ITSN1: variants seen among roughly 807,000 people sequenced by gnomAD.
The protein encoded by ITSN1 is intersectin-1.
A neutral mutation model predicts 239.8 loss-of-function variants in ITSN1; 58 were observed. The observed-to-expected ratio is 0.24, with a 90% CI of 0.20 to 0.30. The LOEUF (loss-of-function observed/expected upper bound fraction) is 0.30, where lower values mean the gene tolerates loss of function less well. Ranked by LOEUF, ITSN1 falls within the 10% of genes least tolerant of loss-of-function variation. The pLI is 1.00. For missense variants in ITSN1, 1,558 were observed against 2,103.3 expected (o/e 0.74, Z 5.07); for synonymous variants, 780 against 770.8 (o/e 1.01, Z -0.20).
intron 11 of ITSN1, among the ~76,000 whole-genome samples, chr21:33,769,818 C>T (rs1189772847): frequency 1.3e-5 from 2 of 151,822 alleles, no homozygotes; most frequent in East Asian, 1.9e-4. Context: ...GCCTCAACCT[C>T]CCAAGTAGCT....
chr21:33,832,416 C>T (rs2074347620), intron 27 of ITSN1, among the ~76,000 whole-genome samples: 1 of 152,228 alleles, frequency 6.6e-6, no homozygotes. Flanking sequence ...GAGGCAGCAG[C>T]CGTATTTTTC....
intron 2 of ITSN1, 24 bp from the exon 3 acceptor site, chr21:33,721,150 ATTTG>A (rs776175549): frequency 9.3e-6 from 14 of 1,502,888 alleles, no homozygotes; most frequent in African/African-American, 8.2e-5. Flanking sequence ...TCACTGAATA[ATTTG>A]TTTGTCTTTT....
intron 1 of ITSN1, among the ~76,000 whole-genome samples, chr21:33,649,355 T>G (rs1041127118): frequency 6.6e-6 from 1 of 152,232 alleles, no homozygotes; most frequent in Non-Finnish European, 1.5e-5. Context: ...TGGTAGAATG[T>G]CACTCCAGTT....
intron 21 of ITSN1, among the ~76,000 whole-genome samples, chr21:33,811,671 T>C (rs1254672160): frequency 6.6e-6 from 1 of 152,230 alleles, no homozygotes; most frequent in African/African-American, 2.4e-5. Context: ...CTTTAAAGCT[T>C]TCCACTTTCA....
chr21:33,806,140 G>A (rs2072426525), intron 20 of ITSN1, among the ~76,000 whole-genome samples: 1 of 151,282 alleles, frequency 6.6e-6, no homozygotes, highest in Non-Finnish European at 1.5e-5. Flanking sequence ...GAACCCGGGA[G>A]GCGGAGCTTG....
At chr21:33,840,021 G>C (rs2074769545) in intron 29 of ITSN1, among the ~76,000 whole-genome samples, 1 of 152,160 alleles carries the variant, frequency 6.6e-6, no homozygotes, top group African/African-American at 2.4e-5. Context: ...TGTTCACCTG[G>C]TTATTCACCA....
intron 29 of ITSN1, among the ~76,000 whole-genome samples, chr21:33,839,857 T>C (rs1399436974): frequency 6.6e-6 from 1 of 152,100 alleles, no homozygotes; most frequent in East Asian, 1.9e-4. Context: ...CCAGTGGGAG[T>C]GCTGCTGGTG....
chr21:33,675,755 A>G (rs2090553946), intron 1 of ITSN1, among the ~76,000 whole-genome samples: 1 of 152,166 alleles, frequency 6.6e-6, no homozygotes, highest in Non-Finnish European at 1.5e-5. Context: ...TTTTACTGAT[A>G]AGAAGCTTAA....
intron 1 of ITSN1, among the ~76,000 whole-genome samples, chr21:33,656,769 C>T (rs1002184850): frequency 6.6e-6 from 1 of 152,122 alleles, no homozygotes; most frequent in Non-Finnish European, 1.5e-5. Flanking sequence ...GGAGCGCAAT[C>T]GTGCGATCTC....
chr21:33,818,262 A>G lies in ITSN1; in HGVS notation c.2728-5A>G. The stretch of plus-strand genomic sequence containing the variant: ...CGAGAGGTCCTTTATGTTATTCCAC[A>G]CAAGGGTGAAAAGGTGGAGGGGCTA... On this transcript the variant is annotated splice_polypyrimidine_tract_variant and splice_region_variant and intron_variant, in intron 22 of 39. Transcript: ENST00000381318. The G allele has an allele frequency of 1.2e-6, 2 of 1,613,658 alleles. No individual in the cohort carries two copies. The highest frequency in any genetic ancestry group is 1.7e-6 in the Non-Finnish European group (2 of 1,179,566).
At chr21:33,794,592 G>A (rs190601354) in intron 17 of ITSN1, 124 bp downstream of exon 17, 394 of 1,284,670 alleles carry the variant, frequency 3.1e-4, no homozygotes, top group Middle Eastern at 3.9e-4. Flanking sequence ...TGCATGTGAA[G>A]TGTGAGTGCA....
intron 14 of ITSN1, 64 bp from the exon 15 acceptor site, chr21:33,781,397 G>T: frequency 1.1e-6 from 1 of 869,972 alleles, no homozygotes; most frequent in African/African-American, 1.7e-5. Context: ...GCTCTGCCTG[G>T]ATCTTAATGT....
intron 1 of ITSN1, among the ~76,000 whole-genome samples, chr21:33,654,948 C>A (rs1223867088): frequency 6.6e-6 from 1 of 151,980 alleles, no homozygotes; most frequent in Non-Finnish European, 1.5e-5. Flanking sequence ...GCTGGAGTTT[C>A]TGTTACTGTG....
At chr21:33,858,661 A>G (rs771725073) in intron 30 of ITSN1, 25 bp from the exon 31 acceptor site, 1 of 1,462,196 alleles carries the variant, frequency 6.8e-7, no homozygotes, top group Admixed American at 1.7e-5. Context: ...TGCTTTCTGA[A>G]CTGCTTCGTT....
At chr21:33,754,549 A>C (rs918352596) in intron 7 of ITSN1, among the ~76,000 whole-genome samples, 9 of 152,236 alleles carry the variant, frequency 5.9e-5, no homozygotes, top group Non-Finnish European at 1.3e-4. Flanking sequence ...CATTGGTACC[A>C]GTGTGATATT....
At chr21:33,783,471 C>T (rs1309076364) in intron 16 of ITSN1, among the ~76,000 whole-genome samples, 1 of 152,102 alleles carries the variant, frequency 6.6e-6, no homozygotes, top group African/African-American at 2.4e-5. Context: ...TGTTTTTCTT[C>T]ACTTTGCTTT....
intron 19 of ITSN1, among the ~76,000 whole-genome samples, chr21:33,800,970 A>T (rs2071957751): frequency 7.1e-6 from 1 of 141,398 alleles, no homozygotes; most frequent in Admixed American, 6.9e-5. Flanking sequence ...GGCTCAAGCA[A>T]AGCGATTCTC....
rs558463106 is a variant in ITSN1 at position 33,800,800 on chromosome 21, A to T, written c.2304+871A>T. Among the ~76,000 whole-genome samples, 964 of 148,408 alleles carry T rather than the reference A, an allele frequency of 6.5e-3. 2 individuals carry two copies. Among genetic ancestry groups the T allele is most frequent in the Admixed American group, 9.5e-3 (142 of 14,928 alleles). On this transcript the variant is annotated intron_variant, in intron 19 of 39. Transcript: ENST00000381318. ...TACTCTTAACATTTTTTTTTTTTTT[A>T]AAGATAATTTAGATTTTTTTTTTGT...
chr21:33,769,485 C>T (rs538101274), intron 11 of ITSN1, among the ~76,000 whole-genome samples: 4 of 152,124 alleles, frequency 2.6e-5, no homozygotes, highest in East Asian at 1.9e-4. Flanking sequence ...TAGCATAGAC[C>T]GGGCAGCTTG....
Sources: gnomAD v4.1 joint callset for allele counts (sites outside exome capture counted in the v4.1 genomes callset) on GRCh38, gnomAD v4.1.1 for gene constraint, MANE v1.5 for transcripts, NCBI Gene and HGNC (gene_info 2026-07-23, HGNC 2026-07-21) for gene names.